The following SNTB2 variants were observed in gnomAD, a reference collection of about 807,000 sequenced individuals.
SNTB2 encodes syntrophin beta 2.
A neutral mutation model predicts 46.2 loss-of-function variants in SNTB2; 34 were observed. That is an observed-to-expected ratio of 0.74 (90% CI 0.56 to 0.98). The LOEUF (loss-of-function observed/expected upper bound fraction) is 0.98, where lower values mean the gene tolerates loss of function less well. Among genes scored for constraint, SNTB2 ranks in the 50% least tolerant of loss-of-function variants. The pLI is 0.00. For missense variants in SNTB2, 603 were observed against 731.4 expected (o/e 0.82, Z 2.02); for synonymous variants, 290 against 312.6 (o/e 0.93, Z 0.76).
At chr16:69,280,749 C>G (rs1406897735) in intron 4 of SNTB2, among the ~76,000 whole-genome samples, 1 of 151,834 alleles carries the variant, frequency 6.6e-6, no homozygotes, top group African/African-American at 2.4e-5. Flanking sequence ...AGTCCTGTAT[C>G]AGATATGTGT....
At chr16:69,281,906 T>TC (rs1262458883) in intron 4 of SNTB2, among the ~76,000 whole-genome samples, 13 of 67,460 alleles carry the variant, frequency 1.9e-4, no homozygotes, top group African/African-American at 6.3e-4. Context: ...TGTTTCTCTC[T>TC]TTTTTTTTTT....
chr16:69,187,999 C>G (rs1229807543), intron 1 of SNTB2, among the ~76,000 whole-genome samples: 1 of 152,154 alleles, frequency 6.6e-6, no homozygotes, highest in Non-Finnish European at 1.5e-5. Context: ...CTATGAAGCC[C>G]CACCTCGGCC....
At chr16:69,255,662 C>T (rs1272128855) in intron 2 of SNTB2, among the ~76,000 whole-genome samples, 1 of 149,650 alleles carries the variant, frequency 6.7e-6, no homozygotes, top group Non-Finnish European at 1.5e-5. Context: ...GGGTGGATCA[C>T]CTGAGGTCAG....
chr16:69,245,391 C>T (rs949908178), intron 1 of SNTB2, among the ~76,000 whole-genome samples: 1 of 152,054 alleles, frequency 6.6e-6, no homozygotes, highest in Non-Finnish European at 1.5e-5. Flanking sequence ...GATGGGGTTT[C>T]ACTACGTTGA....
chr16:69,289,104 T>A (rs533396041), intron 5 of SNTB2, among the ~76,000 whole-genome samples: 1 of 152,018 alleles, frequency 6.6e-6, no homozygotes, highest in African/African-American at 2.4e-5. Context: ...ACCCCATCTC[T>A]ACTAAAAATA....
In SNTB2 at chr16:69,294,413, A is replaced by G. The variant is rs1965203447; in HGVS notation, c.1346-5177A>G. ...AGCCATCAGTCAGTCCCATACACTG[A>G]AACTCTTATCACTATAAAGGATTTT... On this transcript the variant is annotated intron_variant, in intron 5 of 6. Transcript: ENST00000336278. 2.0e-5 allele frequency among the ~76,000 whole-genome samples: 3 copies of G among 152,256 alleles called. 1 individual carries two copies. The South Asian group carries it at 6.2e-4, about 32-fold the overall frequency.
At chr16:69,226,723 G>C (rs777201486) in intron 1 of SNTB2, among the ~76,000 whole-genome samples, 1 of 152,224 alleles carries the variant, frequency 6.6e-6, no homozygotes, top group Admixed American at 6.5e-5. Context: ...TAAAGACGGG[G>C]TCTCGCTATG....
At chr16:69,298,546 T>C (rs1010091721) in intron 5 of SNTB2, among the ~76,000 whole-genome samples, 1 of 122,558 alleles carries the variant, frequency 8.2e-6, no homozygotes, top group African/African-American at 3.2e-5. Flanking sequence ...TTTGAGACAG[T>C]GTCTCGCTCT....
rs751142487 is a variant in SNTB2, at chr16:69,284,179, C to T, written c.1280C>T (p.Ser427Phe). 1 of 1,614,006 alleles carries T rather than the reference C, an allele frequency of 6.2e-7. No homozygotes were observed. The highest frequency in any genetic ancestry group is 1.7e-5 in the Admixed American group (1 of 59,986). Residue 427 changes from serine (S) to phenylalanine (F), a missense_variant, in exon 5 of 7, where the codon TCC (serine) becomes TTC (phenylalanine). Physicochemically the swap from Ser to Phe is radical, Grantham distance 155. This residue lies in a region of SNTB2 where 537 missense variants were observed against 692.4 expected (regional missense o/e 0.78). Transcript: ENST00000336278. The stretch of plus-strand genomic sequence containing the variant: ...GTGGAGACACATCGGGATCTGTCAT[C>T]CTGGACCAGGATACTTGTTCAGGGT... ...FRVETHRDLS[S>F]WTRILVQGCH... is the part of the protein sequence containing the mutation.
chr16:69,259,538 G>C (rs1204256341), intron 2 of SNTB2, among the ~76,000 whole-genome samples: 5 of 137,926 alleles, frequency 3.6e-5, no homozygotes, highest in Admixed American at 2.9e-4. Context: ...CCCGGCCTCT[G>C]ATTTTTATCT....
chr16:69,217,679 A>G (rs905660567), intron 1 of SNTB2, among the ~76,000 whole-genome samples: 3 of 152,166 alleles, frequency 2.0e-5, no homozygotes, highest in African/African-American at 7.2e-5. Context: ...AAAAAAACAA[A>G]TGGAAGATTG....
intron 4 of SNTB2, among the ~76,000 whole-genome samples, chr16:69,274,373 G>T (rs1330506440): frequency 6.6e-6 from 1 of 151,244 alleles, no homozygotes; most frequent in African/African-American, 2.4e-5. Flanking sequence ...AGGAGCTCTG[G>T]CCCAGCGTGG....
rs141416177 is a variant in SNTB2, at chr16:69,220,544, T to C, written c.581-25058T>C. 1.1e-3 allele frequency among the ~76,000 whole-genome samples: 168 copies of C among 151,900 alleles called. 2 individuals are homozygous for C. The highest frequency in any genetic ancestry group is 3.6e-3 in the African/African-American group (151 of 41,448). Reference sequence around the variant, plus strand: ...ACAGTTCCATGTTTTGTTTTTTTTTTTGAGACAGGGTCTTACTCTGTCACC... The same window carrying C: ...ACAGTTCCATGTTTTGTTTTTTTTTCTGAGACAGGGTCTTACTCTGTCACC... On this transcript the variant is annotated intron_variant, in intron 1 of 6. Transcript: ENST00000336278.
intron 1 of SNTB2, among the ~76,000 whole-genome samples, chr16:69,191,936 T>A (rs1203525645): frequency 6.6e-6 from 1 of 152,194 alleles, no homozygotes; most frequent in Non-Finnish European, 1.5e-5. Context: ...CCACCGCACC[T>A]GGCCTTGTTT....
chr16:69,235,845 C>T (rs1308812608), intron 1 of SNTB2: 1 of 1,289,018 alleles, frequency 7.8e-7, no homozygotes, highest in Non-Finnish European at 1.0e-6. Flanking sequence ...TGAGTTTGAA[C>T]CCGTTAGCTA....
intron 1 of SNTB2, among the ~76,000 whole-genome samples, chr16:69,204,213 ACTTCCT>A (rs1163444274): frequency 6.6e-6 from 1 of 152,118 alleles, no homozygotes; most frequent in African/African-American, 2.4e-5. Flanking sequence ...TTTATTGAGA[ACTTCCT>A]CTTAATATTG....
At chr16:69,194,932 A>T (rs952306379) in intron 1 of SNTB2, among the ~76,000 whole-genome samples, 1 of 152,252 alleles carries the variant, frequency 6.6e-6, no homozygotes, top group Admixed American at 6.5e-5. Context: ...ATTTAGAAAC[A>T]TTATAGACAG....
intron 1 of SNTB2, among the ~76,000 whole-genome samples, chr16:69,217,232 G>A (rs1486889849): frequency 6.6e-6 from 1 of 152,016 alleles, no homozygotes; most frequent in Non-Finnish European, 1.5e-5. Context: ...TCACTCACTG[G>A]GGAGGCCGAG....
chr16:69,260,822 G>T (rs1964827577), intron 3 of SNTB2, among the ~76,000 whole-genome samples: 1 of 152,078 alleles, frequency 6.6e-6, no homozygotes, highest in African/African-American at 2.4e-5. Context: ...TCTGGGAAAA[G>T]TATAAAATAT....
Sources: gnomAD v4.1 joint callset for allele counts (sites outside exome capture counted in the v4.1 genomes callset) on GRCh38, gnomAD v4.1.1 for gene constraint, gnomAD v4.1.1 regional missense constraint, MANE v1.5 for transcripts, NCBI Gene and HGNC (gene_info 2026-07-23, HGNC 2026-07-21) for gene names.